FKTN: variants seen among roughly 807,000 people sequenced by gnomAD.
FKTN encodes fukutin.
Under a neutral mutation model 58.6 loss-of-function variants are expected in FKTN, and 47 were observed. That is an observed-to-expected ratio of 0.80 (90% CI 0.63 to 1.02). The LOEUF is 1.02. Ranked by LOEUF, FKTN falls within the 50% of genes least tolerant of loss-of-function variation. The pLI is 0.00. For missense variants in FKTN, 516 were observed against 537.3 expected (o/e 0.96, Z 0.39); for synonymous variants, 178 against 191.9 (o/e 0.93, Z 0.60).
Position 105,607,835 on chromosome 9 carries a change from G to C in FKTN, c.664G>C (p.Val222Leu). ...TGTTTTCAGGCCAGAGTTACAGCAA[G>C]TTACTGTTGATGGACTGGAAGTTCT... ...GAFDRPELQQ[V>L]TVDGLEVLIP... Residue 222 changes from valine to leucine, a missense_variant, in exon 7 of 11, where the codon GTT becomes CTT. Physicochemically the swap from Val to Leu is conservative, Grantham distance 32. Coordinates refer to ENST00000357998, the MANE Select transcript of FKTN (RefSeq NM_001079802.2). The C allele has an allele frequency of 6.2e-7, 1 of 1,612,678 alleles. No individual in the cohort carries two copies. Among genetic ancestry groups the C allele is most frequent in the Non-Finnish European group, 8.5e-7 (1 of 1,179,190 alleles).
intron 3 of FKTN, among the ~76,000 whole-genome samples, chr9:105,577,991 A>G (rs1431473831): frequency 6.6e-6 from 1 of 151,948 alleles, no homozygotes; most frequent in Non-Finnish European, 1.5e-5. Context: ...GGTGTATAAG[A>G]ATGCTTGTGA....
chr9:105,581,184 A>G (rs1026113825), intron 3 of FKTN, among the ~76,000 whole-genome samples: 3 of 149,914 alleles, frequency 2.0e-5, no homozygotes, highest in Admixed American at 6.6e-5. Flanking sequence ...GTCATTCTCC[A>G]TCCAGCTTTG....
chr9:105,588,040 A>G (rs1383760648), intron 3 of FKTN, among the ~76,000 whole-genome samples: 2 of 152,194 alleles, frequency 1.3e-5, no homozygotes, highest in Non-Finnish European at 2.9e-5. Context: ...ATTTTTTCTG[A>G]AAGTACTACT....
rs1834154188 is a variant in FKTN, at chr9:105,637,912, G to A, written c.*2648G>A. On this transcript the variant is annotated 3_prime_UTR_variant, in exon 11 of 11. Transcript: ENST00000357998. ...AAATTGAGCATCCCTAAGAGTAGCT[G>A]CTTGGTGGGACAGCTGATTTCTTTG... 1.0e-6 allele frequency: 1 copy of A among 985,364 alleles called. No homozygotes were observed. The highest frequency in any genetic ancestry group is 1.2e-6 in the Non-Finnish European group (1 of 829,918). 61.0% of individuals were successfully genotyped at this position (985,364 alleles called of 1,614,324 possible).
chr9:105,602,347 A>G (rs997844916), intron 5 of FKTN, among the ~76,000 whole-genome samples: 3 of 152,212 alleles, frequency 2.0e-5, no homozygotes, highest in Non-Finnish European at 4.4e-5. Context: ...AACCAAAAAT[A>G]TCCCCCCAAA....
rs1844759816 is a variant in FKTN at position 105,590,948 on chromosome 9, C to T, written c.106-5650C>T. 1.3e-5 allele frequency among the ~76,000 whole-genome samples: 2 copies of T among 152,040 alleles called. 1 individual carries two copies. Among genetic ancestry groups the T allele is most frequent in the South Asian group, 4.1e-4 (2 of 4,820 alleles). ...GAGCCCGCACCTCACATGGCCAGAG[C>T]AGGAGGAAAAGAGAGAGTGGGGAGA... is the stretch of plus-strand genomic sequence containing the variant. On this transcript the variant is annotated intron_variant, in intron 3 of 10. Transcript: ENST00000357998.
chr9:105,616,636 A>G (rs1830867874), intron 8 of FKTN, among the ~76,000 whole-genome samples: 1 of 152,148 alleles, frequency 6.6e-6, no homozygotes, highest in South Asian at 2.1e-4. Flanking sequence ...TTATAGCTGT[A>G]TTTGCTTTTT....
Position 105,597,193 on chromosome 9 carries a change from C to T in FKTN, c.165+536C>T, listed in dbSNP as rs182051771. Reference sequence around the variant, plus strand: ...ACTAAATTTAGAAAGAAAAACATTGCTGGGTTACTAATAAAACACAACATT... The same window carrying T: ...ACTAAATTTAGAAAGAAAAACATTGTTGGGTTACTAATAAAACACAACATT... On this transcript the variant is annotated intron_variant, in intron 4 of 10. Coordinates refer to ENST00000357998, the MANE Select transcript of FKTN (RefSeq NM_001079802.2). 3.9e-5 allele frequency among the ~76,000 whole-genome samples: 6 copies of T among 152,184 alleles called. No homozygotes were observed. The East Asian group carries it at 7.7e-4, about 20-fold the overall frequency.
At chr9:105,580,195 T>C (rs997832163) in intron 3 of FKTN, among the ~76,000 whole-genome samples, 87 of 152,196 alleles carry the variant, frequency 5.7e-4, no homozygotes, top group Non-Finnish European at 1.1e-3. Context: ...ATGTGTGAAT[T>C]TGATCCTGTC....
In FKTN at chr9:105,637,344, G is replaced by C. The variant is rs939895338; in HGVS notation, c.*2080G>C. On this transcript the variant is annotated 3_prime_UTR_variant, in exon 11 of 11. Coordinates refer to ENST00000357998, the MANE Select transcript of FKTN (RefSeq NM_001079802.2). ...GAGTGTCTGAAATCCAAGACATCTT[G>C]GCCCAATTGACACAGGTTCTATATT... is the stretch of plus-strand genomic sequence containing the variant. The C allele has an allele frequency of 3.0e-6, 3 of 985,146 alleles. No individual in the cohort carries two copies. The highest frequency in any genetic ancestry group is 6.2e-5 in the Admixed American group (1 of 16,246). 61.0% of individuals were successfully genotyped at this position (985,146 alleles called of 1,614,324 possible).
intron 1 of FKTN, among the ~76,000 whole-genome samples, chr9:105,566,364 G>T (rs1839614121): frequency 6.6e-6 from 1 of 152,004 alleles, no homozygotes; most frequent in Admixed American, 6.6e-5. Context: ...TTCAGGAGCT[G>T]GTTTTTTGAA....
chr9:105,614,009 G>A (rs1466308691), intron 7 of FKTN, among the ~76,000 whole-genome samples: 1 of 152,176 alleles, frequency 6.6e-6, no homozygotes, highest in Non-Finnish European at 1.5e-5. Context: ...GTGTATTTGA[G>A]GAGTTACAAG....
intron 1 of FKTN, among the ~76,000 whole-genome samples, chr9:105,559,130 C>CA (rs1171349699): frequency 4.6e-5 from 7 of 151,968 alleles, no homozygotes; most frequent in Admixed American, 2.0e-4. Flanking sequence ...GTGCTGTTGG[C>CA]AAAAATGGGA....
intron 10 of FKTN, among the ~76,000 whole-genome samples, chr9:105,626,172 T>C (rs1378877465): frequency 6.6e-6 from 1 of 152,170 alleles, no homozygotes; most frequent in Non-Finnish European, 1.5e-5. Flanking sequence ...TTGGGGCTAT[T>C]ATAGGTGATG....
rs180747705 is a variant in FKTN at position 105,592,439 on chromosome 9, T to C, written c.106-4159T>C. ...GGATCACAAGGTCAGGAGTTCGAGA[T>C]CAGCCTGGCCAATATGGTGAAACCC... On this transcript the variant is annotated intron_variant, in intron 3 of 10. Coordinates refer to ENST00000357998, the MANE Select transcript of FKTN (RefSeq NM_001079802.2). 9.1e-3 allele frequency among the ~76,000 whole-genome samples: 1,377 copies of C among 152,018 alleles called. 22 individuals are homozygous for C. Among genetic ancestry groups the C allele is most frequent in the African/African-American group, 0.032 (1,319 of 41,452 alleles).
At chr9:105,558,781 C>T (rs1318309873) in intron 1 of FKTN, among the ~76,000 whole-genome samples, 1 of 152,022 alleles carries the variant, frequency 6.6e-6, no homozygotes, top group East Asian at 1.9e-4. Flanking sequence ...AGATGGAAGC[C>T]CAGTAGAAAA....
chr9:105,598,725 A>C (rs1230456403), intron 4 of FKTN: 1 of 151,966 alleles, frequency 6.6e-6, no homozygotes, highest in Non-Finnish European at 1.5e-5. Flanking sequence ...TCTCTGCTTG[A>C]CCCTGACCTA....
At chr9:105,606,520 A>G (rs947769308) in intron 6 of FKTN, among the ~76,000 whole-genome samples, 2 of 151,814 alleles carry the variant, frequency 1.3e-5, no homozygotes, top group Non-Finnish European at 2.9e-5. Flanking sequence ...TAATGATGTT[A>G]CAGTCTACTT....
intron 6 of FKTN, among the ~76,000 whole-genome samples, chr9:105,607,198 G>A (rs1172500604): frequency 2.6e-5 from 4 of 152,018 alleles, no homozygotes; most frequent in Non-Finnish European, 5.9e-5. Context: ...TATTTTTAGA[G>A]TATGGGATCC....
Sources: gnomAD v4.1 joint callset for allele counts (sites outside exome capture counted in the v4.1 genomes callset) on GRCh38, gnomAD v4.1.1 for gene constraint, MANE v1.5 for transcripts, NCBI Gene and HGNC (gene_info 2026-07-23, HGNC 2026-07-21) for gene names.